Variants in GPATCH2 observed in about 807,000 individuals in gnomAD.
The protein encoded by GPATCH2 is G patch domain-containing protein 2.
In GPATCH2, 51 loss-of-function variants were observed where a neutral mutation model predicts 58.0. That is an observed-to-expected ratio of 0.88 (90% CI 0.70 to 1.11). GPATCH2 has a LOEUF of 1.11. Ranked by LOEUF, GPATCH2 falls within the 50% of genes most tolerant of loss-of-function variation. The pLI, the probability that GPATCH2 is intolerant of heterozygous loss-of-function variation, is 0.00. For synonymous variants in GPATCH2, 222 were observed against 218.5 expected (o/e 1.02, Z -0.14); for missense variants, 625 against 652.2 (o/e 0.96, Z 0.45).
chr1:217,587,544 C>T (rs1287287826), intron 5 of GPATCH2, among the ~76,000 whole-genome samples: 3 of 152,168 alleles, frequency 2.0e-5, no homozygotes, highest in African/African-American at 7.2e-5. Context: ...CAAACCAGGC[C>T]AATGAACAGA....
intron 8 of GPATCH2, among the ~76,000 whole-genome samples, chr1:217,490,397 G>C (rs1171640751): frequency 6.6e-6 from 1 of 152,054 alleles, no homozygotes; most frequent in African/African-American, 2.4e-5. Flanking sequence ...TGTATCTATG[G>C]ATTTATAACT....
At chr1:217,609,079 T>C in intron 5 of GPATCH2, 1 of 786,578 alleles carries the variant, frequency 1.3e-6, no homozygotes, top group Non-Finnish European at 1.5e-6. Flanking sequence ...ATACACATAT[T>C]AAATCACATT....
rs115629608 is a variant in GPATCH2 at position 217,606,418 on chromosome 1, C to T, written c.1098+3903G>A. Among the ~76,000 whole-genome samples, 1,391 of 151,986 alleles carry T rather than the reference C, an allele frequency of 9.2e-3. 13 individuals are homozygous for T. The highest frequency in any genetic ancestry group is 0.017 in the Middle Eastern group (5 of 292). On this transcript the variant is annotated intron_variant, in intron 5 of 9. Coordinates refer to ENST00000366935, the MANE Select transcript of GPATCH2 (RefSeq NM_018040.5). ...GGTATAAAAGAAACATAAAAGAATG[C>T]CATATAAAGTGCTTTAAATATTAAA...
At chr1:217,570,146 A>T (rs1666463684) in intron 5 of GPATCH2, among the ~76,000 whole-genome samples, 1 of 152,040 alleles carries the variant, frequency 6.6e-6, no homozygotes, top group South Asian at 2.1e-4. Flanking sequence ...AGTCTCGCTC[A>T]TGTTGCCCAG....
intron 5 of GPATCH2, among the ~76,000 whole-genome samples, chr1:217,540,556 A>C (rs1233051665): frequency 6.6e-6 from 1 of 152,230 alleles, no homozygotes; most frequent in Non-Finnish European, 1.5e-5. Context: ...GATCCTTTCG[A>C]AACAATAAAA....
chr1:217,466,824 A>C (rs1053496672), intron 8 of GPATCH2, among the ~76,000 whole-genome samples: 3 of 152,034 alleles, frequency 2.0e-5, no homozygotes, highest in African/African-American at 7.2e-5. Context: ...TAGTAAGAGA[A>C]GGAGAGAGAG....
intron 6 of GPATCH2, among the ~76,000 whole-genome samples, chr1:217,507,551 A>C (rs1337928709): frequency 2.0e-5 from 3 of 152,206 alleles, no homozygotes; most frequent in Non-Finnish European, 4.4e-5. Flanking sequence ...ATAAAATAAA[A>C]TTAACCACTC....
At chr1:217,488,939 A>G (rs1189679977) in intron 8 of GPATCH2, among the ~76,000 whole-genome samples, 2 of 151,806 alleles carry the variant, frequency 1.3e-5, no homozygotes, top group African/African-American at 2.4e-5. Flanking sequence ...AGTAATCTCA[A>G]AGTGCTGTGG....
rs902453646 is a variant in GPATCH2, at chr1:217,614,088, A to G, written c.835+53T>C. 5 of 959,080 alleles carry G rather than the reference A, an allele frequency of 5.2e-6. No individual in the cohort carries two copies. In the African/African-American group the frequency reaches 6.4e-5, roughly 12 times the overall value. 59.4% of individuals were successfully genotyped at this position (959,080 alleles called of 1,614,324 possible). On this transcript the variant is annotated intron_variant, in intron 3 of 9. Transcript: ENST00000366935. ...TATGAAATAACCAGTAATAAGCTCC[A>G]CTTTAGAATGAAGAAGTTTTTCCAA...
intron 8 of GPATCH2, among the ~76,000 whole-genome samples, chr1:217,475,978 A>G (rs1354300715): frequency 1.3e-5 from 2 of 152,142 alleles, no homozygotes; most frequent in East Asian, 1.9e-4. Flanking sequence ...CAAACAGTCC[A>G]GAACGAGCCT....
chr1:217,542,575 C>T lies in GPATCH2; in HGVS notation c.1099-27686G>A, dbSNP rs564694025. Among the ~76,000 whole-genome samples, 164 of 152,282 alleles carry T rather than the reference C, an allele frequency of 1.1e-3. 3 individuals are homozygous for T. Among genetic ancestry groups the T allele is most frequent in the African/African-American group, 3.8e-3 (158 of 41,550 alleles). ...AGCCTGGCCAAGAATGGCTCAATCC[C>T]GAGGAAAACAGCCAACAGATGGAAG... On this transcript the variant is annotated intron_variant, in intron 5 of 9. Coordinates refer to ENST00000366935, the MANE Select transcript of GPATCH2 (RefSeq NM_018040.5).
chr1:217,529,512 C>T (rs1342755800), intron 5 of GPATCH2, among the ~76,000 whole-genome samples: 1 of 152,182 alleles, frequency 6.6e-6, no homozygotes. Context: ...ATGTCTGTTT[C>T]CCCTTTGACC....
chr1:217,611,073 T>G lies in GPATCH2; in HGVS notation c.836-2A>C. On this transcript the variant is annotated splice_acceptor_variant, in intron 3 of 9. Transcript: ENST00000366935. LOFTEE classifies it high-confidence loss of function. ...ACCAGTCACTCTGTTCATCATCACC[T>G]GTGCAAATACAAGAAACCCCCCCCC... 2 of 1,609,196 alleles carry G rather than the reference T, an allele frequency of 1.2e-6. No individual in the cohort carries two copies. The highest frequency in any genetic ancestry group is 1.7e-6 in the Non-Finnish European group (2 of 1,177,848).
intron 5 of GPATCH2, among the ~76,000 whole-genome samples, chr1:217,541,834 C>T (rs1402810594): frequency 6.6e-6 from 1 of 152,118 alleles, no homozygotes; most frequent in African/African-American, 2.4e-5. Flanking sequence ...ACAACACAAG[C>T]CTTTTAGATA....
chr1:217,565,823 C>A (rs1666198117), intron 5 of GPATCH2, among the ~76,000 whole-genome samples: 2 of 152,056 alleles, frequency 1.3e-5, no homozygotes, highest in Non-Finnish European at 2.9e-5. Context: ...ATCTCTAGGC[C>A]AGGCGCAGTG....
At chr1:217,551,017 T>C (rs1665334318) in intron 5 of GPATCH2, among the ~76,000 whole-genome samples, 1 of 151,764 alleles carries the variant, frequency 6.6e-6, no homozygotes, top group Admixed American at 6.6e-5. Context: ...GCTTATGCAC[T>C]ATAAATCTGT....
At chr1:217,485,336 C>T (rs1661407370) in intron 8 of GPATCH2, among the ~76,000 whole-genome samples, 1 of 152,194 alleles carries the variant, frequency 6.6e-6, no homozygotes, top group Admixed American at 6.5e-5. Flanking sequence ...CTTCCAGAAA[C>T]ACCCTTACGG....
At chr1:217,534,514 T>C (rs1388382750) in intron 5 of GPATCH2, among the ~76,000 whole-genome samples, 1 of 151,974 alleles carries the variant, frequency 6.6e-6, no homozygotes. Context: ...ATTTTTCATA[T>C]TCAAAATGAA....
At chr1:217,591,649 GTTA>G (rs1667597039) in intron 5 of GPATCH2, among the ~76,000 whole-genome samples, 1 of 152,058 alleles carries the variant, frequency 6.6e-6, no homozygotes, top group Non-Finnish European at 1.5e-5. Flanking sequence ...TGACATTACA[GTTA>G]TTGTTAGTCT....
Sources: gnomAD v4.1 joint callset for allele counts (sites outside exome capture counted in the v4.1 genomes callset) on GRCh38, gnomAD v4.1.1 for gene constraint, MANE v1.5 for transcripts, NCBI Gene and HGNC (gene_info 2026-07-23, HGNC 2026-07-21) for gene names.